Variants in RETREG1 observed in about 807,000 individuals in gnomAD.
RETREG1 encodes the protein family with sequence similarity 134 member B.
RETREG1 carries 44 observed loss-of-function variants against 54.8 expected under a neutral mutation model. The observed-to-expected ratio is 0.80, with a 90% confidence interval of 0.63 to 1.03. The LOEUF is 1.03. RETREG1 is among the 50% of genes least tolerant of loss of function. The probability of loss-of-function intolerance (pLI) is 0.00; values close to 1 mark genes in which losing one functional copy is unlikely to be tolerated. For synonymous variants in RETREG1, 217 were observed against 238.5 expected (o/e 0.91, Z 0.83); for missense variants, 554 against 605.1 (o/e 0.92, Z 0.89).
intron 3 of RETREG1, among the ~76,000 whole-genome samples, chr5:16,524,865 G>A (rs1006674565): frequency 1.3e-5 from 2 of 151,156 alleles, no homozygotes; most frequent in Non-Finnish European, 3.0e-5. Context: ...GATGTGCGCG[G>A]GGGACACCGT....
intron 1 of RETREG1, among the ~76,000 whole-genome samples, chr5:16,586,685 A>G (rs1742634654): frequency 6.6e-6 from 1 of 152,242 alleles, no homozygotes; most frequent in Non-Finnish European, 1.5e-5. Context: ...GCGGTGTAAC[A>G]GATCCAAATA....
At chr5:16,553,977 TA>T (rs2126618536) in intron 3 of RETREG1, among the ~76,000 whole-genome samples, 1 of 152,324 alleles carries the variant, frequency 6.6e-6, no homozygotes, top group South Asian at 2.1e-4. Context: ...GGATAAGATT[TA>T]AATCTTATTC....
At chr5:16,581,480 A>G (rs1381323931) in intron 1 of RETREG1, among the ~76,000 whole-genome samples, 1 of 151,998 alleles carries the variant, frequency 6.6e-6, no homozygotes, top group East Asian at 1.9e-4. Flanking sequence ...ACAGTGACCA[A>G]TAAAGGCTTT....
chr5:16,500,603 G>C (rs1433399009), intron 3 of RETREG1, among the ~76,000 whole-genome samples: 1 of 152,100 alleles, frequency 6.6e-6, no homozygotes, highest in Non-Finnish European at 1.5e-5. Context: ...GTGCTCAAAA[G>C]ACTAAAGCAA....
At chr5:16,581,402 G>T (rs1443018481) in intron 1 of RETREG1, among the ~76,000 whole-genome samples, 1 of 152,140 alleles carries the variant, frequency 6.6e-6, no homozygotes. Context: ...GCCCTGTGTG[G>T]CTGTCTAGGT....
chr5:16,562,012 G>C (rs1741868520), intron 3 of RETREG1, among the ~76,000 whole-genome samples: 1 of 152,104 alleles, frequency 6.6e-6, no homozygotes, highest in Admixed American at 6.5e-5. Flanking sequence ...AGGTAACCCA[G>C]GCATACAAAG....
chr5:16,514,900 C>CATATAT (rs61346860), intron 3 of RETREG1, among the ~76,000 whole-genome samples: 106 of 144,116 alleles, frequency 7.4e-4, no homozygotes, highest in South Asian at 1.3e-3. Flanking sequence ...CCATGGCATG[C>CATATAT]ATATATATAT....
chr5:16,553,538 ATATT>A (rs1741604008), intron 3 of RETREG1, among the ~76,000 whole-genome samples: 2 of 151,962 alleles, frequency 1.3e-5, no homozygotes, highest in South Asian at 4.1e-4. Context: ...AAATATATAA[ATATT>A]TAGATTAGAT....
At position 16,474,464 on chromosome 5, in the gene RETREG1, C is replaced by G; in HGVS notation, c.*277G>C. 1 of 329,596 alleles carries G rather than the reference C, an allele frequency of 3.0e-6. No homozygotes were observed. The highest frequency in any genetic ancestry group is 5.5e-6 in the Non-Finnish European group (1 of 182,180). 20.4% of individuals were successfully genotyped at this position (329,596 alleles called of 1,614,324 possible). On this transcript the variant is annotated 3_prime_UTR_variant, in exon 9 of 9. Coordinates refer to ENST00000306320, the MANE Select transcript of RETREG1 (RefSeq NM_001034850.3). Reference sequence around the variant, plus strand: ...TTTGGTTTTTGTTTTTTTCTTTTTGCTTTAAAAACAACCCCTAATATTTAT... The same window carrying G: ...TTTGGTTTTTGTTTTTTTCTTTTTGGTTTAAAAACAACCCCTAATATTTAT...
At chr5:16,611,815 C>T (rs1276886291) in intron 1 of RETREG1, among the ~76,000 whole-genome samples, 1 of 152,098 alleles carries the variant, frequency 6.6e-6, no homozygotes, top group Non-Finnish European at 1.5e-5. Flanking sequence ...AAAGACATCA[C>T]ACACTTTAGG....
At chr5:16,554,780 A>T (rs1741638995) in intron 3 of RETREG1, among the ~76,000 whole-genome samples, 1 of 152,156 alleles carries the variant, frequency 6.6e-6, no homozygotes, top group Non-Finnish European at 1.5e-5. Context: ...TATTCCACTG[A>T]TCCCAGTCAC....
chr5:16,565,922 A>AT, intron 2 of RETREG1, 129 bp from the exon 3 acceptor site: 2 of 983,238 alleles, frequency 2.0e-6, no homozygotes, highest in Non-Finnish European at 1.6e-6. Context: ...GGACACCATC[A>AT]AGTCATACAG....
intron 8 of RETREG1, 89 bp downstream of exon 8, chr5:16,477,573 C>T (rs1579578800): frequency 1.7e-6 from 2 of 1,161,428 alleles, no homozygotes; most frequent in Non-Finnish European, 2.5e-6. Flanking sequence ...ATGGTGGTAA[C>T]ATGTTATTTA....
intron 2 of RETREG1, 146 bp downstream of exon 2, chr5:16,571,850 A>G: frequency 3.1e-6 from 2 of 647,192 alleles, no homozygotes; most frequent in Non-Finnish European, 5.5e-6. Flanking sequence ...CACCACCTCA[A>G]TAAATTATCG....
rs1043063270 is a variant in RETREG1, at chr5:16,561,603, G to C, written c.458+4160C>G. On this transcript the variant is annotated intron_variant, in intron 3 of 8. Transcript: ENST00000306320. The surrounding 1 kb of genome is among the most constrained non-coding windows in gnomAD (Gnocchi z 4.2). ...TGGGACATGTGAGCACTTCCCCAAA[G>C]GAGAGAAATAGCCTAAGTCTAACAA... Among the ~76,000 whole-genome samples, 1 of 152,190 alleles carries C rather than the reference G, an allele frequency of 6.6e-6. No individual in the cohort carries two copies. Among genetic ancestry groups the C allele is most frequent in the Non-Finnish European group, 1.5e-5 (1 of 68,042 alleles).
intron 1 of RETREG1, among the ~76,000 whole-genome samples, chr5:16,577,037 GCACACACA>G (rs68174462): frequency 6.6e-6 from 1 of 150,640 alleles, no homozygotes; most frequent in African/African-American, 2.4e-5. Flanking sequence ...TTGTGTGCAC[GCACACACA>G]CACACACACA....
rs76705734 is a variant in RETREG1 at position 16,600,294 on chromosome 5, C to T, written c.320+16358G>A. On this transcript the variant is annotated intron_variant, in intron 1 of 8. Transcript: ENST00000306320. ...GGGATTACAGGCGTTAGCCACTGTG[C>T]CCAGCCTACAAATCTGTATGATGAA... 1.7e-4 allele frequency among the ~76,000 whole-genome samples: 26 copies of T among 152,320 alleles called. 1 individual carries two copies. In the East Asian group the frequency reaches 5.0e-3, roughly 29 times the overall value.
At chr5:16,476,138 G>A (rs78476308) in intron 8 of RETREG1, among the ~76,000 whole-genome samples, 3,547 of 152,194 alleles carry the variant, frequency 0.023, 137 homozygotes, top group African/African-American at 0.081. Context: ...TAATTTAAAG[G>A]TGAGGAAATT....
At chr5:16,565,133 A>C (rs1375111869) in intron 3 of RETREG1, among the ~76,000 whole-genome samples, 1 of 152,228 alleles carries the variant, frequency 6.6e-6, no homozygotes, top group Non-Finnish European at 1.5e-5. Context: ...GGTAGAGTGC[A>C]CTGTGGTCCC....
Sources: gnomAD v4.1 joint callset for allele counts (sites outside exome capture counted in the v4.1 genomes callset) on GRCh38, gnomAD v4.1.1 for gene constraint, Gnocchi (gnomAD v3.1) non-coding constraint, MANE v1.5 for transcripts, NCBI Gene and HGNC (gene_info 2026-07-23, HGNC 2026-07-21) for gene names.